Variants in RASGRF2 observed in about 807,000 individuals in gnomAD.
RASGRF2 encodes the protein ras-specific guanine nucleotide-releasing factor 2.
A neutral mutation model predicts 151.0 loss-of-function variants in RASGRF2; 76 were observed. That is an observed-to-expected ratio of 0.50 (90% CI 0.42 to 0.61). The LOEUF is 0.61. Among genes scored for constraint, RASGRF2 ranks in the 20% least tolerant of loss-of-function variants. The pLI, the probability that RASGRF2 is intolerant of heterozygous loss-of-function variation, is 0.00. For synonymous variants in RASGRF2, 504 were observed against 566.5 expected, an observed-to-expected ratio of 0.89 and a Z score of 1.57; for missense variants, 1,148 against 1,564.6, an observed-to-expected ratio of 0.73 and a Z score of 4.49.
rs550372942 is a variant in RASGRF2, at chr5:81,069,221, A to G, written c.543+1042A>G. ...ACACATCACCTCCGGTGTTGAGAGT[A>G]TGGGTACAAGCGTCCTCCAACAGAG... On this transcript the variant is annotated intron_variant, in intron 3 of 26. Transcript: ENST00000265080. Among the ~76,000 whole-genome samples the G allele has an allele frequency of 4.6e-5, 7 of 152,304 alleles. No homozygotes were observed. In the East Asian group the frequency reaches 9.7e-4, roughly 21 times the overall value.
chr5:81,169,413 C>T (rs1223147351), intron 17 of RASGRF2, among the ~76,000 whole-genome samples: 1 of 152,210 alleles, frequency 6.6e-6, no homozygotes, highest in East Asian at 1.9e-4. Flanking sequence ...TCTGGAGGCT[C>T]TGGGGGAGAA....
intron 13 of RASGRF2, among the ~76,000 whole-genome samples, chr5:81,111,867 A>G (rs1003011758): frequency 1.2e-4 from 18 of 152,226 alleles, no homozygotes; most frequent in Non-Finnish European, 1.8e-4. Flanking sequence ...AAAAGTCAGG[A>G]GAAAGAAATA....
chr5:81,180,326 A>C, intron 18 of RASGRF2, 45 bp downstream of exon 18: 1 of 1,230,606 alleles, frequency 8.1e-7, no homozygotes. Flanking sequence ...TTTTTTAAAA[A>C]ATCATCTTTT....
intron 17 of RASGRF2, among the ~76,000 whole-genome samples, chr5:81,127,693 G>A (rs550310799): frequency 6.6e-6 from 1 of 151,802 alleles, no homozygotes; most frequent in South Asian, 2.1e-4. Context: ...GGAGGCCGAG[G>A]CAAGCGGATC....
At chr5:81,141,525 C>G (rs1753884957) in intron 17 of RASGRF2, among the ~76,000 whole-genome samples, 1 of 152,194 alleles carries the variant, frequency 6.6e-6, no homozygotes, top group Non-Finnish European at 1.5e-5. Context: ...TCAGATCTCT[C>G]CACTGCTAAA....
At chr5:81,022,949 C>A (rs1489879021) in intron 1 of RASGRF2, among the ~76,000 whole-genome samples, 1 of 152,062 alleles carries the variant, frequency 6.6e-6, no homozygotes, top group Non-Finnish European at 1.5e-5. Context: ...ACTGGTGAAA[C>A]CAAATGGGCA....
At chr5:81,157,477 G>C (rs1754289677) in intron 17 of RASGRF2, among the ~76,000 whole-genome samples, 1 of 152,096 alleles carries the variant, frequency 6.6e-6, no homozygotes, top group East Asian at 1.9e-4. Context: ...TTCGTTGACT[G>C]GAAGACTTAA....
Position 81,127,827 on chromosome 5 carries a change from G to A in RASGRF2, c.2686+664G>A, listed in dbSNP as rs1753500299. Among the ~76,000 whole-genome samples, 5 of 150,518 alleles carry A rather than the reference G, an allele frequency of 3.3e-5. No homozygotes were observed. In the South Asian group the frequency reaches 8.4e-4, roughly 25 times the overall value. ...TAATTCCAGCTACTCAGGAGGCTGA[G>A]GCAGGAGAATCATTTGAACCTGGGA... On this transcript the variant is annotated intron_variant, in intron 17 of 26. Transcript: ENST00000265080.
At chr5:81,043,932 C>T (rs1384291877) in intron 2 of RASGRF2, among the ~76,000 whole-genome samples, 1 of 152,158 alleles carries the variant, frequency 6.6e-6, no homozygotes, top group Admixed American at 6.5e-5. Flanking sequence ...GTGTACTGCA[C>T]GTGGGCGATT....
At chr5:81,174,217 G>C (rs1208297741) in intron 17 of RASGRF2, among the ~76,000 whole-genome samples, 1 of 152,238 alleles carries the variant, frequency 6.6e-6, no homozygotes, top group South Asian at 2.1e-4. Context: ...CAATGGGAAA[G>C]TTAGATTGGG....
chr5:80,972,104 G>T, intron 1 of RASGRF2, among the ~76,000 whole-genome samples: 1 of 152,054 alleles, frequency 6.6e-6, no homozygotes, highest in Admixed American at 6.5e-5. Context: ...ATTTGGGCTG[G>T]TTCCAATTTG....
intron 17 of RASGRF2, among the ~76,000 whole-genome samples, chr5:81,136,222 T>C (rs1753750296): frequency 6.6e-6 from 1 of 152,244 alleles, no homozygotes; most frequent in South Asian, 2.1e-4. Flanking sequence ...CTTCATTTTT[T>C]CCTTCTTCAG....
chr5:81,048,909 C>T (rs1750920835), intron 2 of RASGRF2, among the ~76,000 whole-genome samples: 1 of 152,030 alleles, frequency 6.6e-6, no homozygotes, highest in African/African-American at 2.4e-5. Flanking sequence ...CTGAATACTC[C>T]TCTAGCTACT....
chr5:81,215,267 CTTTTTT>C (rs772223510), intron 23 of RASGRF2, among the ~76,000 whole-genome samples: 1 of 119,790 alleles, frequency 8.3e-6, no homozygotes, highest in Non-Finnish European at 1.7e-5. Context: ...AATATAGAAT[CTTTTTT>C]TTTTTTTTTT....
intron 17 of RASGRF2, among the ~76,000 whole-genome samples, chr5:81,141,689 C>T (rs1753889218): frequency 6.6e-6 from 1 of 152,196 alleles, no homozygotes. Context: ...TTTCCCACCT[C>T]TGTATCCACC....
chr5:80,984,823 G>T (rs1452135188), intron 1 of RASGRF2, among the ~76,000 whole-genome samples: 1 of 152,158 alleles, frequency 6.6e-6, no homozygotes, highest in East Asian at 1.9e-4. Flanking sequence ...CCACATAATT[G>T]TATTTTCAAT....
rs1308044540 is a variant in RASGRF2, at chr5:80,978,597, G to A, written c.288+17571G>A. Among the ~76,000 whole-genome samples, 5 of 152,160 alleles carry A rather than the reference G, an allele frequency of 3.3e-5. 1 individual carries two copies. The highest frequency in any genetic ancestry group is 1.2e-4 in the African/African-American group (5 of 41,430). On this transcript the variant is annotated intron_variant, in intron 1 of 26. Coordinates refer to ENST00000265080, the MANE Select transcript of RASGRF2 (RefSeq NM_006909.3). ...AGGTCAGGTGTTCGTGACCAGCCTG[G>A]CCAACATAGTGAAACCCTGTTTCTA...
intron 19 of RASGRF2, among the ~76,000 whole-genome samples, chr5:81,202,808 G>A (rs899897188): frequency 1.3e-5 from 2 of 152,352 alleles, no homozygotes; most frequent in Non-Finnish European, 2.9e-5. Context: ...GGCAGAGACT[G>A]AGTTATGCAG....
At chr5:81,028,161 A>G (rs1750102161) in intron 1 of RASGRF2, among the ~76,000 whole-genome samples, 1 of 151,930 alleles carries the variant, frequency 6.6e-6, no homozygotes, top group African/African-American at 2.4e-5. Context: ...GAAAACTGAG[A>G]TTCTAAGACA....
Sources: gnomAD v4.1 joint callset for allele counts (sites outside exome capture counted in the v4.1 genomes callset) on GRCh38, gnomAD v4.1.1 for gene constraint, MANE v1.5 for transcripts, NCBI Gene and HGNC (gene_info 2026-07-23, HGNC 2026-07-21) for gene names.